The following CUL2 variants were observed in gnomAD, a reference collection of about 807,000 sequenced individuals.
The protein encoded by CUL2 is cullin 2.
CUL2 carries 22 observed loss-of-function variants against 110.2 expected under a neutral mutation model. The observed-to-expected ratio is 0.20, with a 90% CI of 0.14 to 0.28. The LOEUF (loss-of-function observed/expected upper bound fraction) is 0.28, where lower values mean the gene tolerates loss of function less well. CUL2 is among the 10% of genes least tolerant of loss of function. The pLI, the probability that CUL2 is intolerant of heterozygous loss-of-function variation, is 1.00. For missense variants in CUL2, 631 were observed against 905.5 expected (o/e 0.70, Z 3.89); for synonymous variants, 279 against 293.2 (o/e 0.95, Z 0.49).
At chr10:35,122,566 A>G (rs2087689682) in intron 1 of CUL2, among the ~76,000 whole-genome samples, 1 of 152,224 alleles carries the variant, frequency 6.6e-6, no homozygotes, top group African/African-American at 2.4e-5. Flanking sequence ...TGTTCTATAT[A>G]CTTTACATGT....
chr10:35,074,947 T>A (rs73258776), intron 1 of CUL2, among the ~76,000 whole-genome samples: 1 of 152,364 alleles, frequency 6.6e-6, no homozygotes, highest in East Asian at 1.9e-4. Context: ...ATTCTGTAAC[T>A]GCGTACCAAA....
intron 6 of CUL2, among the ~76,000 whole-genome samples, 170 bp downstream of exon 6, chr10:35,049,513 A>G (rs909012136): frequency 1.3e-5 from 2 of 152,134 alleles, no homozygotes; most frequent in Non-Finnish European, 2.9e-5. Context: ...GAAGAAGAAG[A>G]AGAAGAAAAT....
intron 1 of CUL2, among the ~76,000 whole-genome samples, chr10:35,086,177 A>C (rs533122901): frequency 2.7e-5 from 4 of 148,200 alleles, no homozygotes; most frequent in African/African-American, 9.7e-5. Flanking sequence ...CCAGACTGAG[A>C]GACTCTGTCT....
rs576704175 is a variant in CUL2, at chr10:35,038,643, CTGTT to C, written c.877+273_877+276del. 8.0e-5 allele frequency among the ~76,000 whole-genome samples: 12 copies of C among 149,440 alleles called. No homozygotes were observed. In the South Asian group the frequency reaches 2.5e-3, roughly 32 times the overall value. On this transcript the variant is annotated intron_variant, in intron 9 of 20. Transcript: ENST00000374749. ...TTTATAGTCTTTGCCTTTATTCCTA[CTGTT>C]TATCAGGAATTCTAAATGCATTAAG...
chr10:35,110,165 C>T (rs569982236), intron 1 of CUL2, among the ~76,000 whole-genome samples: 1 of 152,140 alleles, frequency 6.6e-6, no homozygotes, highest in East Asian at 1.9e-4. Context: ...GTCTCAGAAA[C>T]AAAACAAAAC....
intron 17 of CUL2, among the ~76,000 whole-genome samples, chr10:35,017,866 A>G (rs2085076000): frequency 7.1e-6 from 1 of 140,750 alleles, no homozygotes; most frequent in Admixed American, 7.2e-5. Flanking sequence ...GTAATGTTCC[A>G]TACGTGTTTA....
chr10:35,059,910 C>T (rs1035060454), intron 4 of CUL2, among the ~76,000 whole-genome samples: 4 of 152,208 alleles, frequency 2.6e-5, no homozygotes, highest in Non-Finnish European at 5.9e-5. Flanking sequence ...CATACACAAA[C>T]ACATATTAAA....
At chr10:35,121,370 G>A (rs1189994140) in intron 1 of CUL2, among the ~76,000 whole-genome samples, 2 of 152,174 alleles carry the variant, frequency 1.3e-5, no homozygotes, top group Non-Finnish European at 2.9e-5. Flanking sequence ...AGCAACTATA[G>A]GCACACCATC....
Position 35,031,678 on chromosome 10 carries a change from A to G in CUL2, c.1171-59T>C. ...GGTGCTTCTGTATATATCACGCCTC[A>G]AAGGAGGCAAAGTGGTGATACAAGG... On this transcript the variant is annotated intron_variant, in intron 12 of 20. Coordinates refer to ENST00000374749, the MANE Select transcript of CUL2 (RefSeq NM_003591.4). This position sits in a 1 kb window ranked among gnomAD's most constrained non-coding sequence, Gnocchi z 4.4. The G allele has an allele frequency of 1.9e-6, 3 of 1,563,246 alleles. No individual in the cohort carries two copies. Among genetic ancestry groups the G allele is most frequent in the Admixed American group, 1.8e-5 (1 of 57,108 alleles).
chr10:35,098,294 C>A (rs868760848), intron 2 of CUL2, among the ~76,000 whole-genome samples: 1 of 152,076 alleles, frequency 6.6e-6, no homozygotes. Context: ...AGATAACTCA[C>A]TATTTGAGAT....
intron 1 of CUL2, among the ~76,000 whole-genome samples, chr10:35,076,686 TA>T (rs2086826208): frequency 6.6e-6 from 1 of 152,194 alleles, no homozygotes; most frequent in South Asian, 2.1e-4. Flanking sequence ...ATAAACATGG[TA>T]TTTTTTTCAT....
intron 17 of CUL2, among the ~76,000 whole-genome samples, chr10:35,021,726 T>A (rs933442636): frequency 7.9e-5 from 12 of 151,014 alleles, no homozygotes; most frequent in Non-Finnish European, 1.2e-4. Context: ...ACTACAGGGA[T>A]CTCTTAAGCC....
chr10:35,118,857 G>C (rs956761225), intron 1 of CUL2: 1 of 152,242 alleles, frequency 6.6e-6, no homozygotes, highest in African/African-American at 2.4e-5. Context: ...TCCAGTTAAA[G>C]CATTCCCTGT....
At chr10:35,120,433 T>C (rs2087664574) in intron 1 of CUL2, 1 of 152,042 alleles carries the variant, frequency 6.6e-6, no homozygotes, top group Non-Finnish European at 1.5e-5. Flanking sequence ...ATGGCTGGGT[T>C]TTCTAGTCTC....
chr10:35,062,794 G>A (rs886098023), intron 3 of CUL2, among the ~76,000 whole-genome samples, 166 bp downstream of exon 3: 66 of 151,860 alleles, frequency 4.3e-4, no homozygotes, highest in African/African-American at 1.2e-3. Context: ...CCATGATCGC[G>A]CCACTGCACC....
intron 1 of CUL2, among the ~76,000 whole-genome samples, chr10:35,107,697 A>G (rs2087477885): frequency 6.6e-6 from 1 of 151,612 alleles, no homozygotes; most frequent in Non-Finnish European, 1.5e-5. Context: ...CCTGGCTAAC[A>G]TGGTGAAACC....
intron 4 of CUL2, among the ~76,000 whole-genome samples, chr10:35,059,376 G>C (rs982533490): frequency 1.3e-4 from 20 of 152,176 alleles, no homozygotes; most frequent in African/African-American, 4.8e-4. Flanking sequence ...CCACCACCAT[G>C]ATCAGTCAGC....
chr10:35,081,048 T>TA (rs1046248027), intron 1 of CUL2, among the ~76,000 whole-genome samples: 5 of 150,892 alleles, frequency 3.3e-5, no homozygotes, highest in African/African-American at 7.3e-5. Context: ...ACCTGGTCTT[T>TA]AAAAAAAAAT....
At chr10:35,045,928 T>G (rs913864570) in intron 6 of CUL2, among the ~76,000 whole-genome samples, 1 of 152,182 alleles carries the variant, frequency 6.6e-6, no homozygotes, top group African/African-American at 2.4e-5. Flanking sequence ...AACAGAAAAC[T>G]TATTATCATC....
Sources: gnomAD v4.1 joint callset for allele counts (sites outside exome capture counted in the v4.1 genomes callset) on GRCh38, gnomAD v4.1.1 for gene constraint, Gnocchi (gnomAD v3.1) non-coding constraint, MANE v1.5 for transcripts, NCBI Gene and HGNC (gene_info 2026-07-23, HGNC 2026-07-21) for gene names.